The following ROR2 variants were observed in gnomAD, a reference collection of about 807,000 sequenced individuals.
The protein encoded by ROR2 is tyrosine-protein kinase transmembrane receptor ROR2.
In ROR2, 33 loss-of-function variants were observed where a neutral mutation model predicts 74.9. The observed-to-expected ratio is 0.44, with a 90% CI of 0.33 to 0.59. The LOEUF is 0.59. ROR2 is among the 20% of genes least tolerant of loss of function. ROR2 has a pLI of 0.02. For missense variants in ROR2, 1,216 were observed against 1,313.8 expected (o/e 0.93, Z 1.15); for synonymous variants, 586 against 558.7 (o/e 1.05, Z -0.69).
At chr9:91,758,779 G>T (rs767156791) in intron 2 of ROR2, among the ~76,000 whole-genome samples, 4 of 152,246 alleles carry the variant, frequency 2.6e-5, no homozygotes, top group Non-Finnish European at 5.9e-5. Flanking sequence ...AGGGATGTGT[G>T]TGAGTATGCA....
In ROR2 at chr9:91,938,847, T is replaced by G. The variant is rs982964267; in HGVS notation, c.97+11020A>C. Among the ~76,000 whole-genome samples, 4 of 152,350 alleles carry G rather than the reference T, an allele frequency of 2.6e-5. No homozygotes were observed. In the East Asian group the frequency reaches 7.7e-4, roughly 29 times the overall value. On this transcript the variant is annotated intron_variant, in intron 1 of 8. Transcript: ENST00000375708. ...TGAGAATTAGCACCACTTATTTGGCTCCCATTAAAAGACACATAGATGTTT... is the reference window on the plus strand; with the variant it reads ...TGAGAATTAGCACCACTTATTTGGCGCCCATTAAAAGACACATAGATGTTT...
chr9:91,772,070 G>C (rs929216135), intron 2 of ROR2, among the ~76,000 whole-genome samples: 44 of 152,226 alleles, frequency 2.9e-4, no homozygotes, highest in African/African-American at 9.9e-4. Flanking sequence ...GCTTTGCCAG[G>C]CCGACTCCTT....
intron 1 of ROR2, among the ~76,000 whole-genome samples, chr9:91,934,801 C>G (rs1831640987): frequency 1.3e-5 from 2 of 152,128 alleles, no homozygotes; most frequent in Non-Finnish European, 2.9e-5. Flanking sequence ...ACTCTGAAAA[C>G]ATATACAACA....
intron 1 of ROR2, among the ~76,000 whole-genome samples, chr9:91,890,730 G>A (rs566472993): frequency 6.6e-6 from 1 of 152,194 alleles, no homozygotes; most frequent in Admixed American, 6.5e-5. Context: ...GGGACGACCA[G>A]AGCAGCACTG....
intron 1 of ROR2, among the ~76,000 whole-genome samples, chr9:91,927,576 T>G (rs1473382491): frequency 5.5e-5 from 8 of 145,764 alleles, no homozygotes; most frequent in Non-Finnish European, 1.2e-4. Flanking sequence ...TTTTTTTTTT[T>G]TTTTTTTGAG....
chr9:91,926,309 G>A (rs1831393925), intron 1 of ROR2, among the ~76,000 whole-genome samples: 3 of 151,960 alleles, frequency 2.0e-5, no homozygotes. Context: ...TGTGAACCCG[G>A]GAGTCAGAGC....
At chr9:91,907,022 T>C (rs1830836976) in intron 1 of ROR2, among the ~76,000 whole-genome samples, 1 of 152,162 alleles carries the variant, frequency 6.6e-6, no homozygotes, top group African/African-American at 2.4e-5. Flanking sequence ...TCTTGCAAAA[T>C]TGAAACTCTG....
chr9:91,922,932 C>A (rs754536323), intron 1 of ROR2, among the ~76,000 whole-genome samples: 2 of 151,916 alleles, frequency 1.3e-5, no homozygotes, highest in Non-Finnish European at 2.9e-5. Context: ...CCTCTCAAAG[C>A]CCTGTCCTCC....
intron 1 of ROR2, among the ~76,000 whole-genome samples, chr9:91,858,945 AAC>A (rs915633009): frequency 2.6e-5 from 4 of 152,124 alleles, no homozygotes; most frequent in African/African-American, 9.7e-5. Flanking sequence ...CCACCTCCTG[AAC>A]ACACACAGTG....
intron 4 of ROR2, among the ~76,000 whole-genome samples, chr9:91,750,638 A>T (rs1825569778): frequency 1.3e-5 from 2 of 152,208 alleles, no homozygotes; most frequent in African/African-American, 4.8e-5. Flanking sequence ...TGCTCACAGT[A>T]TGAGGACTAG....
At chr9:91,770,442 C>T (rs1284135192) in intron 2 of ROR2, among the ~76,000 whole-genome samples, 2 of 152,196 alleles carry the variant, frequency 1.3e-5, no homozygotes, top group African/African-American at 4.8e-5. Context: ...CTGGTCTGGG[C>T]ACCTGGAGCA....
intron 1 of ROR2, among the ~76,000 whole-genome samples, chr9:91,884,776 C>CT (rs887663354): frequency 1.9e-4 from 28 of 149,514 alleles, no homozygotes; most frequent in Middle Eastern, 3.5e-3. Flanking sequence ...ATTTTTTAGT[C>CT]TTTTTTTTTT....
chr9:91,924,687 G>A (rs1831352584), intron 1 of ROR2, among the ~76,000 whole-genome samples: 2 of 152,144 alleles, frequency 1.3e-5, no homozygotes, highest in Admixed American at 6.5e-5. Flanking sequence ...CAGCTACTTG[G>A]GAGGCTGAGG....
intron 2 of ROR2, among the ~76,000 whole-genome samples, chr9:91,771,206 C>T (rs1054403231): frequency 6.6e-6 from 1 of 152,206 alleles, no homozygotes; most frequent in African/African-American, 2.4e-5. Flanking sequence ...CAGCTCTTCT[C>T]TGAAGTCGAG....
chr9:91,869,117 A>T (rs1197028398), intron 1 of ROR2, among the ~76,000 whole-genome samples: 1 of 152,046 alleles, frequency 6.6e-6, no homozygotes, highest in Non-Finnish European at 1.5e-5. Flanking sequence ...GAGTGCAGTG[A>T]CACAACCATA....
chr9:91,736,070 C>T (rs988433926), intron 5 of ROR2, among the ~76,000 whole-genome samples: 5 of 152,146 alleles, frequency 3.3e-5, no homozygotes, highest in African/African-American at 1.2e-4. Context: ...CTATTTTCCA[C>T]TGTGTGTTTC....
intron 1 of ROR2, among the ~76,000 whole-genome samples, chr9:91,859,953 T>G (rs983018440): frequency 2.0e-5 from 3 of 152,314 alleles, no homozygotes; most frequent in East Asian, 3.9e-4. Flanking sequence ...ACACTGGAGA[T>G]GCCAGGGTGT....
chr9:91,947,768 CTAAA>C (rs1241971398), intron 1 of ROR2, among the ~76,000 whole-genome samples: 5 of 152,150 alleles, frequency 3.3e-5, no homozygotes, highest in Non-Finnish European at 5.9e-5. Context: ...AGAAAAACCC[CTAAA>C]TAGTTTTACA....
intron 1 of ROR2, among the ~76,000 whole-genome samples, chr9:91,944,383 G>A (rs1831957171): frequency 6.6e-6 from 1 of 152,090 alleles, no homozygotes; most frequent in Non-Finnish European, 1.5e-5. Flanking sequence ...AATTAGGCAA[G>A]ACCAAAAATA....
Sources: allele counts gnomAD v4.1 joint callset (sites outside exome capture counted in the v4.1 genomes callset), GRCh38; gene constraint gnomAD v4.1.1; transcripts MANE v1.5; gene names NCBI Gene and HGNC (gene_info 2026-07-23, HGNC 2026-07-21).